Variants in MAD1L1 observed in about 807,000 individuals in gnomAD.
The protein encoded by MAD1L1 is mitotic spindle assembly checkpoint protein MAD1.
Under a neutral mutation model 96.9 loss-of-function variants are expected in MAD1L1, and 95 were observed. The ratio of observed to expected loss-of-function variants is 0.98; its 90% CI spans 0.83 to 1.16. The LOEUF (loss-of-function observed/expected upper bound fraction) is 1.16. MAD1L1 is among the 50% of genes most tolerant of loss of function. MAD1L1 has a pLI of 0.00. For missense variants in MAD1L1, 1,007 were observed against 954.4 expected (o/e 1.06, Z -0.73); for synonymous variants, 473 against 396.6 (o/e 1.19, Z -2.29).
intron 18 of MAD1L1, among the ~76,000 whole-genome samples, chr7:1,818,822 G>A (rs1781969644): frequency 6.6e-6 from 1 of 150,976 alleles, no homozygotes; most frequent in Admixed American, 6.6e-5. Flanking sequence ...GGCGGCTCTG[G>A]AAGAATGATG....
At chr7:2,173,573 C>T (rs1016107717) in intron 10 of MAD1L1, among the ~76,000 whole-genome samples, 3 of 152,220 alleles carry the variant, frequency 2.0e-5, no homozygotes, top group Admixed American at 6.5e-5. Context: ...TCCATGCTCA[C>T]CCGGCATCGG....
chr7:2,156,841 GAAAGAAAAGGA>G (rs1458851551), intron 10 of MAD1L1, among the ~76,000 whole-genome samples: 2 of 149,478 alleles, frequency 1.3e-5, no homozygotes, highest in East Asian at 1.9e-4. Flanking sequence ...AAAAAAGAAA[GAAAGAAAAGGA>G]AAAGAAAAGA....
chr7:1,837,097 C>G (rs561833415), intron 18 of MAD1L1, among the ~76,000 whole-genome samples: 2 of 152,120 alleles, frequency 1.3e-5, no homozygotes, highest in Admixed American at 6.5e-5. Context: ...CTGGAGTATA[C>G]AAAGAACTCT....
At chr7:2,012,066 A>G (rs1014815974) in intron 13 of MAD1L1, among the ~76,000 whole-genome samples, 8 of 152,160 alleles carry the variant, frequency 5.3e-5, no homozygotes, top group Non-Finnish European at 7.4e-5. Flanking sequence ...AAGGGGAGTA[A>G]CCTGCCCCCA....
chr7:1,896,635 C>T (rs1367673667), intron 18 of MAD1L1, among the ~76,000 whole-genome samples: 3 of 152,194 alleles, frequency 2.0e-5, no homozygotes, highest in Non-Finnish European at 2.9e-5. Context: ...GGACAGCGGC[C>T]ACCTTTCGCG....
chr7:2,078,523 G>C (rs750320723), intron 11 of MAD1L1, among the ~76,000 whole-genome samples: 1 of 152,238 alleles, frequency 6.6e-6, no homozygotes, highest in Non-Finnish European at 1.5e-5. Flanking sequence ...ATTCAGATCA[G>C]AGTTTATGCT....
At chr7:1,893,080 C>T (rs1229235481) in intron 18 of MAD1L1, among the ~76,000 whole-genome samples, 1 of 152,196 alleles carries the variant, frequency 6.6e-6, no homozygotes, top group Non-Finnish European at 1.5e-5. Context: ...GTATGGCCTT[C>T]CCAGGAAGCT....
intron 18 of MAD1L1, among the ~76,000 whole-genome samples, chr7:1,833,358 A>G (rs1307186050): frequency 6.6e-6 from 1 of 152,262 alleles, no homozygotes; most frequent in Admixed American, 6.5e-5. Context: ...AGGTCATTTC[A>G]TAATGATAAA....
intron 18 of MAD1L1, among the ~76,000 whole-genome samples, chr7:1,855,660 C>T (rs895414788): frequency 6.6e-6 from 1 of 152,164 alleles, no homozygotes; most frequent in African/African-American, 2.4e-5. Context: ...TGGGAGCATT[C>T]CTTGTGCAGG....
intron 18 of MAD1L1, among the ~76,000 whole-genome samples, chr7:1,888,441 T>C (rs1052517170): frequency 7.7e-6 from 1 of 130,356 alleles, no homozygotes; most frequent in African/African-American, 2.8e-5. Flanking sequence ...TGGCTGCCTG[T>C]ACATGTGTGT....
At chr7:1,869,688 T>C (rs934349487) in intron 18 of MAD1L1, among the ~76,000 whole-genome samples, 2 of 152,190 alleles carry the variant, frequency 1.3e-5, no homozygotes, top group African/African-American at 4.8e-5. Context: ...GAGCTACGAT[T>C]GTCAATCAGC....
chr7:2,073,780 C>G (rs1454487830), intron 11 of MAD1L1, among the ~76,000 whole-genome samples: 1 of 152,218 alleles, frequency 6.6e-6, no homozygotes, highest in African/African-American at 2.4e-5. Context: ...TGAAGCAAAC[C>G]TCTCCTTCCT....
rs559876965 is a variant in MAD1L1, at chr7:2,039,015, C to G, written c.1219-24373G>C. Among the ~76,000 whole-genome samples the G allele has an allele frequency of 4.6e-5, 7 of 152,298 alleles. No homozygotes were observed. The South Asian group carries it at 1.5e-3, about 32-fold the overall frequency. On this transcript the variant is annotated intron_variant, in intron 12 of 18. Transcript: ENST00000265854. ...CACCACAAAAACCCCTCGGGTTGTC[C>G]GTTCACAGCCACGATTCCTCCTGTG...
chr7:1,933,081 G>A (rs1789572584), intron 17 of MAD1L1, among the ~76,000 whole-genome samples: 1 of 152,270 alleles, frequency 6.6e-6, no homozygotes, highest in East Asian at 1.9e-4. Flanking sequence ...TTTCTTTGCT[G>A]GGACAGTGGG....
intron 10 of MAD1L1, among the ~76,000 whole-genome samples, chr7:2,196,268 G>A (rs1791980360): frequency 6.6e-6 from 1 of 152,214 alleles, no homozygotes; most frequent in Admixed American, 6.5e-5. Context: ...ACCGTCAACA[G>A]TGCCATCCTG....
intron 12 of MAD1L1, among the ~76,000 whole-genome samples, chr7:2,042,893 ACGTC>A (rs1783752648): frequency 6.4e-4 from 76 of 118,604 alleles, no homozygotes; most frequent in African/African-American, 3.6e-3. Flanking sequence ...GTCCACGTCC[ACGTC>A]CACGTCCACA....
rs561815680 is a variant in MAD1L1, at chr7:1,963,883, G to A, written c.1506-6164C>T. ...CACAGCCCAGTGTCACCGTCTCTCG[G>A]CAGGGTGGCCGTGCAGTGTGAGACC... On this transcript the variant is annotated intron_variant, in intron 15 of 18. Transcript: ENST00000265854. 5.1e-4 allele frequency among the ~76,000 whole-genome samples: 77 copies of A among 152,342 alleles called. 1 individual carries two copies. The highest frequency in any genetic ancestry group is 1.1e-3 in the Admixed American group (17 of 15,308).
Position 2,142,017 on chromosome 7 carries a change from CCT to C in MAD1L1, c.1073+7133_1073+7134del, listed in dbSNP as rs1007281123. ...CGTGAGCACAGAATGGGCCTGCTCC[CCT>C]GTCACCTTGAGCAGCGCACTCTGGG... is the stretch of plus-strand genomic sequence containing the variant. On this transcript the variant is annotated intron_variant, in intron 11 of 18. Transcript: ENST00000265854. This position sits in a 1 kb window ranked among gnomAD's most constrained non-coding sequence, Gnocchi z 4.7. Among the ~76,000 whole-genome samples the C allele has an allele frequency of 1.3e-5, 2 of 152,208 alleles. No individual in the cohort carries two copies. Among genetic ancestry groups the C allele is most frequent in the Non-Finnish European group, 2.9e-5 (2 of 68,034 alleles).
At chr7:2,154,761 T>C (rs13240401) in intron 10 of MAD1L1, among the ~76,000 whole-genome samples, 36,618 of 152,102 alleles carry the variant, frequency 0.24, 4,711 homozygotes, top group Middle Eastern at 0.36. Flanking sequence ...AAAGAAAAGA[T>C]GAAATGGTTT....
Sources: allele counts gnomAD v4.1 joint callset (sites outside exome capture counted in the v4.1 genomes callset), GRCh38; gene constraint gnomAD v4.1.1; non-coding constraint Gnocchi (gnomAD v3.1); transcripts MANE v1.5; gene names NCBI Gene and HGNC (gene_info 2026-07-23, HGNC 2026-07-21).